Variants in STK39 observed in about 807,000 individuals in gnomAD.
The protein encoded by STK39 is STE20/SPS1-related proline-alanine-rich protein kinase.
STK39 carries 20 observed loss-of-function variants against 77.8 expected under a neutral mutation model. That is an observed-to-expected ratio of 0.26 (90% CI 0.18 to 0.37). STK39 has a LOEUF of 0.37. Ranked by LOEUF, STK39 falls within the 10% of genes least tolerant of loss-of-function variation. The pLI is 1.00. For synonymous variants in STK39, 246 were observed against 234.1 expected, an observed-to-expected ratio of 1.05 and a Z score of -0.47; for missense variants, 479 against 656.5, an observed-to-expected ratio of 0.73 and a Z score of 2.95.
chr2:167,973,073 A>G (rs1019813265), intron 16 of STK39, among the ~76,000 whole-genome samples: 1 of 152,208 alleles, frequency 6.6e-6, no homozygotes, highest in African/African-American at 2.4e-5. Context: ...GTGTAGTTAT[A>G]TGTGTTATGT....
intron 8 of STK39, among the ~76,000 whole-genome samples, chr2:168,132,079 G>A (rs1467744320): frequency 1.3e-5 from 2 of 152,108 alleles, no homozygotes; most frequent in Non-Finnish European, 2.9e-5. Context: ...GGCTCCTGAG[G>A]GAACATGTAG....
chr2:168,207,711 C>T (rs1253802225), intron 1 of STK39, among the ~76,000 whole-genome samples: 4 of 152,148 alleles, frequency 2.6e-5, no homozygotes, highest in Non-Finnish European at 4.4e-5. Context: ...TAATGGTTAA[C>T]TAAAATTTAC....
At chr2:168,016,387 CAAAA>C (rs869084308) in intron 15 of STK39, among the ~76,000 whole-genome samples, 21 of 65,686 alleles carry the variant, frequency 3.2e-4, no homozygotes, top group African/African-American at 9.4e-4. Context: ...GGCCTTTGTT[CAAAA>C]AAAAAAAAAA....
chr2:168,188,832 C>T (rs891956066), intron 1 of STK39, among the ~76,000 whole-genome samples: 14 of 152,214 alleles, frequency 9.2e-5, no homozygotes, highest in African/African-American at 3.4e-4. Context: ...GAGACACACA[C>T]AACTTGCCCT....
chr2:168,019,134 A>G (rs938046665), intron 14 of STK39, among the ~76,000 whole-genome samples: 1 of 152,120 alleles, frequency 6.6e-6, no homozygotes, highest in South Asian at 2.1e-4. Context: ...CGCAGTTCCT[A>G]TAACTGTGCT....
At chr2:168,239,133 A>G (rs1690694281) in intron 1 of STK39, among the ~76,000 whole-genome samples, 3 of 152,182 alleles carry the variant, frequency 2.0e-5, no homozygotes, top group African/African-American at 4.8e-5. Flanking sequence ...TTGTTCTGCA[A>G]TTCTGCTCCT....
intron 3 of STK39, among the ~76,000 whole-genome samples, chr2:168,166,862 T>C (rs1356609786): frequency 2.6e-5 from 4 of 152,038 alleles, no homozygotes; most frequent in Admixed American, 2.0e-4. Context: ...CTGAACAATG[T>C]TAAAAAGAAA....
At chr2:168,180,057 C>T (rs1311144016) in intron 2 of STK39, among the ~76,000 whole-genome samples, 1 of 152,100 alleles carries the variant, frequency 6.6e-6, no homozygotes, top group Admixed American at 6.6e-5. Context: ...CAATCAAACA[C>T]AAGTATCAGC....
chr2:168,072,375 A>G (rs1012170635), intron 12 of STK39, among the ~76,000 whole-genome samples: 1 of 152,168 alleles, frequency 6.6e-6, no homozygotes, highest in Admixed American at 6.5e-5. Flanking sequence ...TTTTCAAATC[A>G]TTATTCTATG....
At chr2:168,102,717 A>C (rs181070241) in intron 10 of STK39, among the ~76,000 whole-genome samples, 107 of 152,086 alleles carry the variant, frequency 7.0e-4, no homozygotes, top group Middle Eastern at 6.8e-3. Context: ...ATTATGAGGT[A>C]AGGAGATTGA....
chr2:168,111,074 C>T (rs1359840158), intron 10 of STK39, among the ~76,000 whole-genome samples: 1 of 151,958 alleles, frequency 6.6e-6, no homozygotes, highest in Non-Finnish European at 1.5e-5. Flanking sequence ...TTTCACTTGT[C>T]TCAGTTTTGG....
At chr2:168,135,276 G>A (rs925834382) in intron 8 of STK39, among the ~76,000 whole-genome samples, 2 of 150,618 alleles carry the variant, frequency 1.3e-5, no homozygotes, top group Admixed American at 6.6e-5. Flanking sequence ...GGCAAATAAC[G>A]AATGGCAATC....
intron 10 of STK39, among the ~76,000 whole-genome samples, chr2:168,080,160 G>A (rs1351598730): frequency 6.6e-6 from 1 of 152,150 alleles, no homozygotes; most frequent in Non-Finnish European, 1.5e-5. Flanking sequence ...AGGCATTTTG[G>A]CCCTACAGAT....
chr2:168,063,395 G>A, intron 14 of STK39, 105 bp downstream of exon 14: 2 of 1,023,174 alleles, frequency 2.0e-6, no homozygotes, highest in Non-Finnish European at 2.9e-6. Context: ...AATCAAATAA[G>A]CTAACGATTC....
chr2:168,192,200 C>G (rs1324074541), intron 1 of STK39, among the ~76,000 whole-genome samples: 3 of 152,100 alleles, frequency 2.0e-5, no homozygotes, highest in Non-Finnish European at 1.5e-5. Flanking sequence ...CCTGGTGCCC[C>G]CATTAGCACA....
At chr2:168,215,115 G>T (rs1410565129) in intron 1 of STK39, among the ~76,000 whole-genome samples, 1 of 152,112 alleles carries the variant, frequency 6.6e-6, no homozygotes, top group East Asian at 1.9e-4. Context: ...ATCAAAAATG[G>T]CTTGCAACAG....
chr2:168,158,975 G>A (rs1475651239), intron 5 of STK39, among the ~76,000 whole-genome samples: 3 of 152,044 alleles, frequency 2.0e-5, no homozygotes, highest in African/African-American at 7.3e-5. Flanking sequence ...GGTTTCTCAT[G>A]GTCTAAATCA....
At chr2:168,183,922 G>A (rs1182580777) in intron 1 of STK39, among the ~76,000 whole-genome samples, 1 of 152,092 alleles carries the variant, frequency 6.6e-6, no homozygotes, top group Non-Finnish European at 1.5e-5. Flanking sequence ...TCACTGAAGG[G>A]AGCCACAGAG....
At position 168,208,117 on chromosome 2, in the gene STK39, C is replaced by T. The variant is rs1321565065; in HGVS notation, c.209-26027G>A. On this transcript the variant is annotated intron_variant, in intron 1 of 17. Transcript: ENST00000355999. ...ATGTCAAGGTCATGTAATGAACACT[C>T]CTGAGAAAAAACGTAATAGAAAGTG... is the stretch of plus-strand genomic sequence containing the variant. 2.0e-5 allele frequency among the ~76,000 whole-genome samples: 3 copies of T among 152,186 alleles called. No homozygotes were observed. In the East Asian group the frequency reaches 5.8e-4, roughly 29 times the overall value.
Sources: gnomAD v4.1 joint callset for allele counts (sites outside exome capture counted in the v4.1 genomes callset) on GRCh38, gnomAD v4.1.1 for gene constraint, MANE v1.5 for transcripts, NCBI Gene and HGNC (gene_info 2026-07-23, HGNC 2026-07-21) for gene names.